The following TRMT1 variants were observed in gnomAD, a reference collection of about 807,000 sequenced individuals.
TRMT1 encodes tRNA (guanine(26)-N(2))-dimethyltransferase.
A neutral mutation model predicts 75.4 loss-of-function variants in TRMT1; 63 were observed. That is an observed-to-expected ratio of 0.84 (90% confidence interval 0.68 to 1.03). TRMT1 has a LOEUF of 1.03. TRMT1 is among the 50% of genes least tolerant of loss of function. The probability of loss-of-function intolerance (pLI) is 0.00; values close to 1 mark genes in which losing one functional copy is unlikely to be tolerated. For synonymous variants in TRMT1, 382 were observed against 358.1 expected (o/e 1.07, Z -0.75); for missense variants, 870 against 905.3 (o/e 0.96, Z 0.50).
chr19:13,107,908 A>G (rs375696138), intron 12 of TRMT1, 49 bp from the exon 13 acceptor site: 4 of 1,507,438 alleles, frequency 2.7e-6, no homozygotes, highest in Non-Finnish European at 3.6e-6. Context: ...CCTTGACCCC[A>G]AAGCCCAAGC....
rs1218281263 is a variant in TRMT1, at chr19:13,112,926, C to T, written c.727G>A (p.Asp243Asn). ...TCACTCACAGCCTGCACAGCTGCAT[C>T]CAGGAAGGTGGCTGGGCTGCCATAG... is the stretch of plus-strand genomic sequence containing the variant. ...DPYGSPATFL[D>N]AAVQAVSEGG... is the part of the protein sequence containing the mutation. Residue 243 changes from aspartate (D) to asparagine (N), a missense_variant, in exon 6 of 17, where the codon GAT (aspartate) becomes AAT (asparagine). Physicochemically the swap from Asp to Asn is conservative, Grantham distance 23 (BLOSUM62 1). Coordinates refer to ENST00000357720, the MANE Select transcript of TRMT1 (RefSeq NM_001136035.4). The T allele has an allele frequency of 1.2e-6, 2 of 1,613,792 alleles. No homozygotes were observed. Among genetic ancestry groups the T allele is most frequent in the Non-Finnish European group, 8.5e-7 (1 of 1,179,822 alleles).
chr19:13,108,724 C>G (rs1255993612), intron 12 of TRMT1, among the ~76,000 whole-genome samples: 1 of 152,090 alleles, frequency 6.6e-6, no homozygotes, highest in Non-Finnish European at 1.5e-5. Flanking sequence ...ATTCTCGTGC[C>G]TCAGCCTCCC....
In TRMT1 at chr19:13,109,528, C is replaced by T. The variant is rs769080362; in HGVS notation, c.1311+22G>A. On this transcript the variant is annotated intron_variant, in intron 11 of 16. Coordinates refer to ENST00000357720, the MANE Select transcript of TRMT1 (RefSeq NM_001136035.4). The stretch of plus-strand genomic sequence containing the variant: ...GACGGGCACAGGTGGAGCCCCCTTC[C>T]CCGTCACAGCCCGGCTCTCACCTCA... 8 of 1,613,972 alleles carry T rather than the reference C, an allele frequency of 5.0e-6. 1 individual carries two copies. The South Asian group carries it at 7.7e-5, about 16-fold the overall frequency.
chr19:13,108,805 TAA>T (rs2018996101), intron 12 of TRMT1, among the ~76,000 whole-genome samples: 2 of 151,628 alleles, frequency 1.3e-5, no homozygotes, highest in Non-Finnish European at 2.9e-5. Context: ...AGACAGGGTT[TAA>T]CCATTTTGAC....
At position 13,116,362 on chromosome 19, in the gene TRMT1, CG is replaced by C; in HGVS notation, c.37del (p.Arg13AlafsTer72). The C allele has an allele frequency of 6.2e-7, 1 of 1,611,666 alleles. No individual in the cohort carries two copies. Among genetic ancestry groups the C allele is most frequent in the Non-Finnish European group, 8.5e-7 (1 of 1,179,394 alleles). On this transcript the variant is annotated frameshift_variant, in exon 2 of 17. Transcript: ENST00000357720. LOFTEE classifies it high-confidence loss of function. ...GGCTCTAGAGAGCACCCGGGCGGAG[CG>C]GAAAGTGAGGCTTAGCCACAGAGAC... is the stretch of plus-strand genomic sequence containing the variant. ...GSSLWLSLTF[R>X]SARVLSRARF...
chr19:13,110,933 A>C (rs2019114977), intron 7 of TRMT1, among the ~76,000 whole-genome samples: 1 of 152,174 alleles, frequency 6.6e-6, no homozygotes, highest in South Asian at 2.1e-4. Flanking sequence ...CTGGGCAACA[A>C]GAGTGAAACT....
intron 14 of TRMT1, 131 bp from the exon 15 acceptor site, chr19:13,105,737 A>T: frequency 1.0e-6 from 1 of 965,140 alleles, no homozygotes; most frequent in Non-Finnish European, 1.5e-6. Flanking sequence ...TCTCTCATTC[A>T]TCTAATAAAC....
In TRMT1 at chr19:13,115,444, C is replaced by A. The variant is rs2019303362; in HGVS notation, c.476G>T (p.Gly159Val). 4 of 1,613,490 alleles carry A rather than the reference C, an allele frequency of 2.5e-6. No individual in the cohort carries two copies. The highest frequency in any genetic ancestry group is 3.4e-6 in the Non-Finnish European group (4 of 1,179,722). Reference protein sequence around the residue: ...ICEEGLHVLEGLAASGLRSIR... With the variant: ...ICEEGLHVLEVLAASGLRSIR... Reference sequence around the variant, plus strand: ...GGAACGTAGGCCTGAAGCTGCCAGGCCTTCCAGCACATGCAGGCCTTCCTG... The same window carrying A: ...GGAACGTAGGCCTGAAGCTGCCAGGACTTCCAGCACATGCAGGCCTTCCTG... Residue 159 changes from glycine (G) to valine (V), a missense_variant, in exon 5 of 17, where the codon GGC (glycine) becomes GTC (valine). Physicochemically the swap from Gly to Val is moderately radical, Grantham distance 109. Transcript: ENST00000357720.
At chr19:13,112,346 T>G (rs1168274583) in intron 7 of TRMT1, among the ~76,000 whole-genome samples, 1 of 151,970 alleles carries the variant, frequency 6.6e-6, no homozygotes, top group Non-Finnish European at 1.5e-5. Flanking sequence ...ACCAGAAAGG[T>G]GAAGTCACTT....
chr19:13,115,311 G>T lies in TRMT1; in HGVS notation c.609C>A (p.Ala203=), dbSNP rs1351312201. The T allele has an allele frequency of 1.1e-5, 17 of 1,613,606 alleles. No homozygotes were observed. Among genetic ancestry groups the T allele is most frequent in the Non-Finnish European group, 1.4e-5 (17 of 1,179,898 alleles). Reference sequence around the variant, plus strand: ...CTGCTTGGCTCGGCTGTACCAGGTGGGCCACGTCATTGAGCTGGACATTCC... The same window carrying T: ...CTGCTTGGCTCGGCTGTACCAGGTGTGCCACGTCATTGAGCTGGACATTCC... ...IRRNVQLNDV[A]HLVQPSQADA... is the part of the protein sequence containing the mutation. Residue 203 remains alanine, a synonymous_variant, in exon 5 of 17, where the codon GCC becomes GCA. Transcript: ENST00000357720.
rs754172388 is a variant in TRMT1, at chr19:13,109,636, C to T, written c.1225G>A (p.Gly409Ser). The part of the protein sequence containing the change: ...AEPIHDLDFV[G>S]RVLEAVSANP... ...GCGCTCACAGCCTCCAGGACACGGC[C>T]CACAAAATCCAGGTCATGGATGGGC... The change falls in exon 11 of 17, where the codon GGC becomes AGC. Residue 409 changes from glycine (G) to serine (S), a missense_variant. Transcript: ENST00000357720. 6.2e-6 allele frequency: 10 copies of T among 1,613,854 alleles called. No individual in the cohort carries two copies. In the African/African-American group the frequency reaches 9.3e-5, roughly 15 times the overall value.
chr19:13,111,718 G>A (rs1435657460), intron 7 of TRMT1, among the ~76,000 whole-genome samples: 6 of 118,230 alleles, frequency 5.1e-5, no homozygotes, highest in African/African-American at 2.0e-4. Flanking sequence ...TCTTTTTTTT[G>A]AGACAGAGTC....
Position 13,115,679 on chromosome 19 carries a change from T to A in TRMT1, c.400A>T (p.Asn134Tyr). ...CGAGGTTGGTCTCCTGAGGCCAGGTTTTCACTCTCTTTCAGTTCAACCTTT... is the reference window on the plus strand; with the variant it reads ...CGAGGTTGGTCTCCTGAGGCCAGGTATTCACTCTCTTTCAGTTCAACCTTT... The part of the protein sequence containing the change: ...EEKVELKESE[N>Y]LASGDQPRTA... The change falls in exon 4 of 17, where the codon AAC becomes TAC. Residue 134 changes from asparagine to tyrosine, a missense_variant. Coordinates refer to ENST00000357720, the MANE Select transcript of TRMT1 (RefSeq NM_001136035.4). The A allele has an allele frequency of 6.2e-7, 1 of 1,613,962 alleles. No homozygotes were observed. The highest frequency in any genetic ancestry group is 8.5e-7 in the Non-Finnish European group (1 of 1,179,996).
intron 10 of TRMT1, 36 bp downstream of exon 10, chr19:13,109,733 C>G: frequency 1.9e-6 from 3 of 1,614,030 alleles, no homozygotes; most frequent in Non-Finnish European, 2.5e-6. Flanking sequence ...CCTTCAAGAC[C>G]CTCTTGCTCC....
intron 5 of TRMT1, 139 bp from the exon 6 acceptor site, chr19:13,113,150 C>G (rs1414223854): frequency 1.0e-5 from 5 of 499,760 alleles, no homozygotes; most frequent in African/African-American, 2.0e-5. Context: ...CTGGCTCAGT[C>G]ATTTATTTAT....
chr19:13,108,077 G>A (rs1599932023), intron 12 of TRMT1, among the ~76,000 whole-genome samples: 3 of 133,960 alleles, frequency 2.2e-5, no homozygotes, highest in South Asian at 5.1e-4. Context: ...CACAGCCTCC[G>A]CCTCCTGGGT....
At position 13,110,311 on chromosome 19, in the gene TRMT1, G is replaced by T; in HGVS notation, c.871-5C>A. The T allele has an allele frequency of 1.1e-6, 1 of 912,042 alleles. No individual in the cohort carries two copies. Among genetic ancestry groups the T allele is most frequent in the Non-Finnish European group, 1.8e-6 (1 of 566,972 alleles). The allele number at this position is 912,042 out of a possible 1,614,324, so 56.5% of individuals were successfully genotyped here. On this transcript the variant is annotated splice_polypyrimidine_tract_variant and splice_region_variant and intron_variant, in intron 7 of 16. Coordinates refer to ENST00000357720, the MANE Select transcript of TRMT1 (RefSeq NM_001136035.4). The stretch of plus-strand genomic sequence containing the variant: ...GTGCAGGACGATTCTCAGGGCCTGG[G>T]GGTGGGGGGTGGGTGTCAGCCTCCC...
At chr19:13,109,515 T>G in intron 11 of TRMT1, 35 bp downstream of exon 11, 1 of 1,613,744 alleles carries the variant, frequency 6.2e-7, no homozygotes, top group Non-Finnish European at 8.5e-7. Flanking sequence ...CGGGCACAGG[T>G]GGAGCCCCCT....
Position 13,105,024 on chromosome 19 carries a change from C to A in TRMT1, c.1891G>T (p.Val631Phe), listed in dbSNP as rs556159504. Residue 631 changes from valine (V) to phenylalanine (F), a missense_variant, in exon 17 of 17, where the codon GTT (valine) becomes TTT (phenylalanine). Physicochemically the swap from Val to Phe is conservative, Grantham distance 50. Coordinates refer to ENST00000357720, the MANE Select transcript of TRMT1 (RefSeq NM_001136035.4). ...CAGTCAGGGGCAGCATCAGCAGAAACCCTGGGTGTCGGGGGGCTGTGGGAG... is the reference window on the plus strand; with the variant it reads ...CAGTCAGGGGCAGCATCAGCAGAAAACCTGGGTGTCGGGGGGCTGTGGGAG... ...CYSHSPPTPR[V>F]SADAAPDCPE... The A allele has an allele frequency of 8.3e-5, 134 of 1,611,690 alleles. 1 individual carries two copies. The South Asian group carries it at 1.4e-3, about 17-fold the overall frequency.
Sources: allele counts gnomAD v4.1 joint callset (sites outside exome capture counted in the v4.1 genomes callset), GRCh38; gene constraint gnomAD v4.1.1; transcripts MANE v1.5; gene names NCBI Gene and HGNC (gene_info 2026-07-23, HGNC 2026-07-21).